IAH1: variants seen among roughly 807,000 people sequenced by gnomAD.
IAH1 encodes the protein isoamyl acetate hydrolyzing esterase 1 (putative), also known as isoamyl acetate-hydrolyzing esterase 1 homolog.
Under a neutral mutation model 26.7 loss-of-function variants are expected in IAH1, and 24 were observed. That is an observed-to-expected ratio of 0.90 (90% CI 0.65 to 1.26). The LOEUF (loss-of-function observed/expected upper bound fraction) is 1.26, where lower values mean the gene tolerates loss of function less well. IAH1 is among the 50% of genes most tolerant of loss of function. The pLI is 0.00. For missense variants in IAH1, 300 were observed against 299.9 expected, an observed-to-expected ratio of 1.00 and a Z score of 0.00; for synonymous variants, 140 against 118.5, an observed-to-expected ratio of 1.18 and a Z score of -1.18.
chr2:9,478,458 T>C, intron 3 of IAH1, 88 bp downstream of exon 3: 8 of 1,280,362 alleles, frequency 6.2e-6, no homozygotes, highest in African/African-American at 1.5e-5. Flanking sequence ...TTTTCAACTG[T>C]TTACTTTCTC....
the IAH1 span, among the ~76,000 whole-genome samples, chr2:9,507,980 G>A: frequency 6.6e-6 from 1 of 152,172 alleles, no homozygotes; most frequent in Non-Finnish European, 1.5e-5. Flanking sequence ...TCAAAGTGCT[G>A]GGATTACAGG....
chr2:9,474,450 G>A, upstream of IAH1: 1 of 512,702 alleles, frequency 2.0e-6, no homozygotes, highest in African/African-American at 2.0e-5. The surrounding 1 kb of genome is among the most constrained non-coding windows in gnomAD (Gnocchi z 4.3). Flanking sequence ...CGACCTTCGC[G>A]CGTCACCAAA....
intron 1 of IAH1, 89 bp from the exon 2 acceptor site, chr2:9,475,898 G>A (rs966588964): frequency 7.1e-5 from 80 of 1,123,882 alleles, no homozygotes; most frequent in Non-Finnish European, 1.0e-4. Flanking sequence ...AGGGAGCGCC[G>A]AGAAAACAGA....
the IAH1 span, among the ~76,000 whole-genome samples, chr2:9,509,297 ATATT>A: frequency 2.0e-5 from 3 of 152,240 alleles, no homozygotes; most frequent in African/African-American, 4.8e-5. Flanking sequence ...AAAGAACCAG[ATATT>A]TATTAACACA....
chr2:9,490,759 A>AACTT (rs1351975013), downstream of IAH1, among the ~76,000 whole-genome samples: 3 of 152,142 alleles, frequency 2.0e-5, no homozygotes, highest in South Asian at 4.1e-4. Flanking sequence ...GCATCCTGAA[A>AACTT]ACTTACTTAC....
rs984205599 is a variant in IAH1 at position 9,484,469 on chromosome 2, A to G, written c.483A>G (p.Glu161=). 1.5e-5 allele frequency: 24 copies of G among 1,614,098 alleles called. No homozygotes were observed. The highest frequency in any genetic ancestry group is 3.3e-5 in the Admixed American group (2 of 60,008). Residue 161 remains glutamate (E), a synonymous_variant, in exon 5 of 6, where the codon GAA becomes GAG. Coordinates refer to ENST00000497473, the MANE Select transcript of IAH1 (RefSeq NM_001039613.3). ...ATCGCCTGAACTCTGTTGTTGGTGA[A>G]TATGCCAATGCGTGTTTACAAGTGG... is the stretch of plus-strand genomic sequence containing the variant. ...KLNRLNSVVG[E]YANACLQVAQ... is the part of the protein sequence containing the mutation.
downstream of IAH1, among the ~76,000 whole-genome samples, chr2:9,490,721 G>A (rs1662063306): frequency 6.6e-6 from 1 of 152,064 alleles, no homozygotes. Context: ...TACTTTTAAT[G>A]GCAAAAACAG....
intron 4 of IAH1, among the ~76,000 whole-genome samples, chr2:9,483,850 T>G (rs1187701360): frequency 6.6e-6 from 1 of 152,202 alleles, no homozygotes; most frequent in South Asian, 2.1e-4. Context: ...TGCAACTAGG[T>G]AGGCACTGTC....
the IAH1 span, among the ~76,000 whole-genome samples, chr2:9,504,455 ATAAAT>A: frequency 2.7e-5 from 4 of 149,338 alleles, no homozygotes; most frequent in African/African-American, 7.4e-5. Flanking sequence ...AAATAAATAA[ATAAAT>A]TAAATTAAAT....
chr2:9,503,475 A>G, the IAH1 span, among the ~76,000 whole-genome samples: 1 of 152,204 alleles, frequency 6.6e-6, no homozygotes, highest in Non-Finnish European at 1.5e-5. Context: ...AAATTTTGCT[A>G]TTAGGATGTA....
At position 9,488,320 on chromosome 2, in the gene IAH1, A is replaced by G; in HGVS notation, c.738A>G (p.Gly246=). 6.2e-7 allele frequency: 1 copy of G among 1,604,830 alleles called. No individual in the cohort carries two copies. The highest frequency in any genetic ancestry group is 8.5e-7 in the Non-Finnish European group (1 of 1,176,832). ...CTGAATTAAGTCTGCTGGGAGATGG[A>G]GACCATTAGCCAATCACAGGAGACC... ...AKPELSLLGD[G]DH The change falls in exon 6 of 6, where the codon GGA becomes GGG. Residue 246 remains glycine (G), a synonymous_variant. Coordinates refer to ENST00000497473, the MANE Select transcript of IAH1 (RefSeq NM_001039613.3).
chr2:9,474,703 C>A lies in IAH1; in HGVS notation c.81+56C>A. ...CCCGGCCTCCCTGCGGGGTCGCTGC[C>A]GAGCAGGCCGAGGCTCCTCGCCGTC... On this transcript the variant is annotated intron_variant, in intron 1 of 5. Transcript: ENST00000497473. This position sits in a 1 kb window ranked among gnomAD's most constrained non-coding sequence, Gnocchi z 4.3. 4.5e-6 allele frequency: 6 copies of A among 1,325,732 alleles called. No individual in the cohort carries two copies. Among genetic ancestry groups the A allele is most frequent in the African/African-American group, 1.5e-5 (1 of 65,670 alleles). The allele number at this position is 1,325,732 out of a possible 1,614,324, so 82.1% of individuals were successfully genotyped here. A position where few individuals can be genotyped will look rare whatever the true frequency, so the allele number is the denominator to read the frequency against.
chr2:9,510,759 G>A, the IAH1 span, among the ~76,000 whole-genome samples: 2 of 152,070 alleles, frequency 1.3e-5, no homozygotes, highest in African/African-American at 2.4e-5. Flanking sequence ...CTGAACCCAG[G>A]AGGCTGAGGC....
the IAH1 span, chr2:9,510,126 A>G: frequency 1.9e-6 from 3 of 1,614,090 alleles, no homozygotes; most frequent in East Asian, 2.2e-5. Context: ...TAACCAGGTC[A>G]GCTTCCTTAA....
chr2:9,478,341 T>A lies in IAH1; in HGVS notation c.254T>A (p.Phe85Tyr). ...SLDIPVAVTIFFGANDSALKD... is the reference protein window; with the variant it reads ...SLDIPVAVTIYFGANDSALKD... ...GACATCCCAGTAGCAGTTACAATTT[T>A]CTTTGGGGCCAATGACAGTGCACTA... Residue 85 changes from phenylalanine to tyrosine, a missense_variant, in exon 3 of 6, where the codon TTC becomes TAC. Physicochemically the swap from Phe to Tyr is conservative, Grantham distance 22. Coordinates refer to ENST00000497473, the MANE Select transcript of IAH1 (RefSeq NM_001039613.3). 1 of 1,611,244 alleles carries A rather than the reference T, an allele frequency of 6.2e-7. No homozygotes were observed. Among genetic ancestry groups the A allele is most frequent in the African/African-American group, 1.3e-5 (1 of 74,964 alleles).
Position 9,478,362 on chromosome 2 carries a change from C to T in IAH1, c.275C>T (p.Ala92Val). The T allele has an allele frequency of 6.3e-7, 1 of 1,597,950 alleles. No homozygotes were observed. The highest frequency in any genetic ancestry group is 8.5e-7 in the Non-Finnish European group (1 of 1,172,078). The change falls in exon 3 of 6, where the codon GCA (alanine) becomes GTA (valine). Residue 92 changes from alanine to valine, a missense_variant. Ala to Val is a moderately conservative substitution (Grantham distance 64). Transcript: ENST00000497473. Reference sequence around the variant, plus strand: ...ATTTTCTTTGGGGCCAATGACAGTGCACTAAAAGGTAAAAGCATTTTTGAT... The same window carrying T: ...ATTTTCTTTGGGGCCAATGACAGTGTACTAAAAGGTAAAAGCATTTTTGAT... ...VTIFFGANDS[A>V]LKDENPKQHI...
At chr2:9,503,420 CATG>C in the IAH1 span, among the ~76,000 whole-genome samples, 1 of 152,226 alleles carries the variant, frequency 6.6e-6, no homozygotes, top group Non-Finnish European at 1.5e-5. Flanking sequence ...TATATAGAAT[CATG>C]ATAACATTCA....
downstream of IAH1, among the ~76,000 whole-genome samples, chr2:9,490,803 CAAGGT>C (rs1662071418): frequency 6.6e-6 from 1 of 152,294 alleles, no homozygotes; most frequent in Admixed American, 6.5e-5. Flanking sequence ...TCAAACCTCT[CAAGGT>C]AAGATCCCAA....
At chr2:9,504,795 AT>A in the IAH1 span, among the ~76,000 whole-genome samples, 1 of 151,654 alleles carries the variant, frequency 6.6e-6, no homozygotes, top group East Asian at 1.9e-4. Context: ...TCTTTTAACT[AT>A]AGGACTGCTA....
Sources: allele counts gnomAD v4.1 joint callset (sites outside exome capture counted in the v4.1 genomes callset), GRCh38; gene constraint gnomAD v4.1.1; non-coding constraint Gnocchi (gnomAD v3.1); transcripts MANE v1.5; gene names NCBI Gene and HGNC (gene_info 2026-07-23, HGNC 2026-07-21).